The following AOPEP variants were observed in gnomAD, a reference collection of about 807,000 sequenced individuals.
The protein encoded by AOPEP is aminopeptidase O (putative).
AOPEP carries 77 observed loss-of-function variants against 98.1 expected under a neutral mutation model. That is an observed-to-expected ratio of 0.78 (90% CI 0.65 to 0.95). The LOEUF (loss-of-function observed/expected upper bound fraction) is 0.95. Among genes scored for constraint, AOPEP ranks in the 40% least tolerant of loss-of-function variants. The pLI, the probability that AOPEP is intolerant of heterozygous loss-of-function variation, is 0.00. For synonymous variants in AOPEP, 346 were observed against 365.3 expected (o/e 0.95, Z 0.60); for missense variants, 1,024 against 1,024.7 (o/e 1.00, Z 0.01).
chr9:94,920,712 A>G (rs1431439020), intron 5 of AOPEP, among the ~76,000 whole-genome samples: 1 of 152,220 alleles, frequency 6.6e-6, no homozygotes, highest in Non-Finnish European at 1.5e-5. Context: ...AACATGTTTT[A>G]GATTAACAGA....
At chr9:95,083,458 A>G (rs1004008671) in intron 16 of AOPEP, among the ~76,000 whole-genome samples, 2 of 145,364 alleles carry the variant, frequency 1.4e-5, no homozygotes, top group African/African-American at 5.2e-5. Context: ...CAGCGCACGC[A>G]CCACACAGAG....
intron 5 of AOPEP, among the ~76,000 whole-genome samples, chr9:94,887,403 T>A (rs1268853931): frequency 2.6e-5 from 4 of 152,040 alleles, no homozygotes; most frequent in African/African-American, 9.7e-5. Context: ...TCACACAGGA[T>A]GGAATTCCAT....
chr9:95,147,629 A>C, the AOPEP span, among the ~76,000 whole-genome samples: 36 of 152,344 alleles, frequency 2.4e-4, no homozygotes, highest in African/African-American at 8.7e-4. Flanking sequence ...AAAGACAAAA[A>C]ATGTGAGGAA....
intron 13 of AOPEP, among the ~76,000 whole-genome samples, chr9:95,049,708 A>G (rs2066171669): frequency 1.3e-5 from 2 of 152,236 alleles, no homozygotes; most frequent in African/African-American, 2.4e-5. Context: ...AATTTTTCTA[A>G]ACAAATTTCC....
chr9:95,107,235 G>C, the AOPEP span: 1 of 1,614,124 alleles, frequency 6.2e-7, no homozygotes, highest in East Asian at 2.2e-5. Context: ...TCTGGACATT[G>C]CCAGGAGGTG....
At chr9:94,810,580 G>T (rs966255799) in intron 5 of AOPEP, among the ~76,000 whole-genome samples, 1 of 152,156 alleles carries the variant, frequency 6.6e-6, no homozygotes, top group Non-Finnish European at 1.5e-5. Flanking sequence ...CCCCCAAAGT[G>T]CTGGGATTAC....
chr9:95,095,290 T>C, the AOPEP span, among the ~76,000 whole-genome samples: 5 of 152,186 alleles, frequency 3.3e-5, no homozygotes, highest in Non-Finnish European at 7.3e-5. Context: ...TGTTCCGCAC[T>C]CTGTCATCAG....
chr9:95,005,648 G>A lies in AOPEP; in HGVS notation c.2115+32G>A, dbSNP rs768136555. 5 of 1,588,178 alleles carry A rather than the reference G, an allele frequency of 3.1e-6. No individual in the cohort carries two copies. In the South Asian group the frequency reaches 3.3e-5, roughly 11 times the overall value. On this transcript the variant is annotated intron_variant, in intron 13 of 16. Transcript: ENST00000375315. ...GTTCCCGAGACGGTACTCGGTGCAG[G>A]TCTTGGTAAATCCGCTTCTGCCCCG... is the stretch of plus-strand genomic sequence containing the variant.
chr9:95,117,189 G>C, the AOPEP span: 7 of 853,206 alleles, frequency 8.2e-6, no homozygotes, highest in African/African-American at 5.0e-5. Context: ...GGGCTTAAAG[G>C]GATCTTAGAA....
At chr9:94,808,221 A>G (rs185118682) in intron 5 of AOPEP, among the ~76,000 whole-genome samples, 30 of 151,870 alleles carry the variant, frequency 2.0e-4, no homozygotes, top group African/African-American at 7.2e-4. Flanking sequence ...TTGTATTTTA[A>G]TAGACACGGG....
intron 5 of AOPEP, among the ~76,000 whole-genome samples, chr9:94,878,982 G>A (rs374845623): frequency 6.6e-6 from 1 of 152,194 alleles, no homozygotes; most frequent in East Asian, 1.9e-4. Flanking sequence ...AGGGTAATTG[G>A]GTGGGTGGAA....
intron 2 of AOPEP, among the ~76,000 whole-genome samples, chr9:94,762,723 A>G (rs1283753132): frequency 6.6e-6 from 1 of 152,028 alleles, no homozygotes; most frequent in Non-Finnish European, 1.5e-5. Flanking sequence ...GGGGAGTTTT[A>G]TTTACAGTCA....
chr9:94,946,496 G>A (rs1349771433), intron 7 of AOPEP, among the ~76,000 whole-genome samples: 1 of 152,094 alleles, frequency 6.6e-6, no homozygotes, highest in Admixed American at 6.5e-5. Context: ...CCAGGATCCA[G>A]GTCTCATTGC....
chr9:95,100,939 CTTTAT>C, the AOPEP span: 6 of 233,112 alleles, frequency 2.6e-5, no homozygotes, highest in African/African-American at 1.3e-4. Context: ...CAGGCCAATT[CTTTAT>C]CAGGAATTTC....
At chr9:94,961,095 A>G (rs2058808463) in intron 9 of AOPEP, among the ~76,000 whole-genome samples, 1 of 151,564 alleles carries the variant, frequency 6.6e-6, no homozygotes, top group African/African-American at 2.4e-5. Flanking sequence ...CTTGGGTCAC[A>G]TTTTCATGCC....
At chr9:95,086,380 G>T (rs2070699680) in intron 16 of AOPEP, 1 of 985,466 alleles carries the variant, frequency 1.0e-6, no homozygotes, top group African/African-American at 1.7e-5. Flanking sequence ...CCACGGCGAG[G>T]TGAGCTGAGA....
At chr9:95,107,135 C>G in the AOPEP span, 2 of 1,614,048 alleles carry the variant, frequency 1.2e-6, no homozygotes, top group Middle Eastern at 1.6e-4. Context: ...GGAGAAGGTG[C>G]CTGATCAGCT....
chr9:94,912,768 A>C (rs1470313664), intron 5 of AOPEP, among the ~76,000 whole-genome samples: 1 of 152,196 alleles, frequency 6.6e-6, no homozygotes, highest in Middle Eastern at 3.2e-3. Flanking sequence ...AAACACGAAC[A>C]TGGTGCATGA....
At position 95,023,238 on chromosome 9, in the gene AOPEP, A is replaced by G. The variant is rs2063596601; in HGVS notation, c.2115+17622A>G. Among the ~76,000 whole-genome samples the G allele has an allele frequency of 3.9e-5, 6 of 152,350 alleles. No individual in the cohort carries two copies. The South Asian group carries it at 1.2e-3, about 32-fold the overall frequency. ...GTTATCTGTGGTGTGTTATGGGAAC[A>G]GAAGATGTTCCTGAGAGCTGATAGG... On this transcript the variant is annotated intron_variant, in intron 13 of 16. Coordinates refer to ENST00000375315, the MANE Select transcript of AOPEP (RefSeq NM_001193329.3).
Sources: gnomAD v4.1 joint callset for allele counts (sites outside exome capture counted in the v4.1 genomes callset) on GRCh38, gnomAD v4.1.1 for gene constraint, MANE v1.5 for transcripts, NCBI Gene and HGNC (gene_info 2026-07-23, HGNC 2026-07-21) for gene names.